The following NUDT21 variants were observed in gnomAD, a reference collection of about 807,000 sequenced individuals.
NUDT21 encodes cleavage and polyadenylation specificity factor subunit 5.
In NUDT21, 5 loss-of-function variants were observed where a neutral mutation model predicts 29.8. That is an observed-to-expected ratio of 0.17 (90% CI 0.09 to 0.35). The LOEUF (loss-of-function observed/expected upper bound fraction) is 0.35. Ranked by LOEUF, NUDT21 falls within the 10% of genes least tolerant of loss-of-function variation. The pLI is 1.00. For missense variants in NUDT21, 76 were observed against 276.0 expected (o/e 0.28, Z 5.13); for synonymous variants, 113 against 98.5 (o/e 1.15, Z -0.87).
intron 4 of NUDT21, among the ~76,000 whole-genome samples, chr16:56,438,558 C>T (rs1363201027): frequency 1.3e-5 from 2 of 152,150 alleles, no homozygotes; most frequent in Non-Finnish European, 2.9e-5. Context: ...TAAGCAACTC[C>T]CAGAGGCCTA....
intron 4 of NUDT21, 152 bp from the exon 5 acceptor site, chr16:56,434,981 A>G: frequency 2.1e-6 from 1 of 480,050 alleles, no homozygotes; most frequent in South Asian, 4.2e-5. Context: ...CTAGTAAATA[A>G]ATGCTTTAAT....
rs138973826 is a variant in NUDT21 at position 56,434,432 on chromosome 16, G to T, written c.561C>A (p.Val187=). The change falls in exon 6 of 7, where the codon GTC becomes GTA. Residue 187 remains valine (V), a synonymous_variant. Coordinates refer to ENST00000300291, the MANE Select transcript of NUDT21 (RefSeq NM_007006.3). The part of the protein sequence containing the change: ...VQLQEKALFA[V]PKNYKLVAAP... Reference sequence around the variant, plus strand: ...CAGCTACCAGCTTGTAATTTTTAGGGACTGCAAACAAGGCTAAAATAAAAC... The same window carrying T: ...CAGCTACCAGCTTGTAATTTTTAGGTACTGCAAACAAGGCTAAAATAAAAC... 86 of 1,604,698 alleles carry T rather than the reference G, an allele frequency of 5.4e-5. No individual in the cohort carries two copies. The highest frequency in any genetic ancestry group is 7.3e-5 in the Non-Finnish European group (85 of 1,171,706).
At chr16:56,432,775 ATAC>A in intron 6 of NUDT21, 42 bp from the exon 7 acceptor site, 1 of 1,388,536 alleles carries the variant, frequency 7.2e-7, no homozygotes, top group African/African-American at 1.4e-5. Flanking sequence ...AAGACAGTAC[ATAC>A]TACTTTCCAT....
chr16:56,445,777 T>C (rs180989426), intron 3 of NUDT21, among the ~76,000 whole-genome samples: 127 of 152,344 alleles, frequency 8.3e-4, no homozygotes, highest in Non-Finnish European at 1.5e-3. Flanking sequence ...TTTGTGATTC[T>C]CTCATTTTGC....
intron 3 of NUDT21, among the ~76,000 whole-genome samples, chr16:56,440,862 C>T (rs772999369): frequency 1.3e-5 from 2 of 152,016 alleles, no homozygotes; most frequent in Non-Finnish European, 2.9e-5. Flanking sequence ...TCTCAGCCTC[C>T]GGAGTAGGTG....
intron 1 of NUDT21, among the ~76,000 whole-genome samples, chr16:56,448,906 T>A (rs79044355): frequency 1.2e-4 from 18 of 152,278 alleles, no homozygotes; most frequent in Non-Finnish European, 2.4e-4. Flanking sequence ...ACTCAGCCAT[T>A]CTTGAAAGGG....
intron 3 of NUDT21, among the ~76,000 whole-genome samples, chr16:56,443,486 A>T (rs1444217868): frequency 6.6e-6 from 1 of 152,012 alleles, no homozygotes; most frequent in Non-Finnish European, 1.5e-5. Context: ...GGACTACATT[A>T]TTTCTATAGA....
intron 2 of NUDT21, 142 bp from the exon 3 acceptor site, chr16:56,446,831 G>C: frequency 3.7e-6 from 2 of 533,804 alleles, no homozygotes; most frequent in Non-Finnish European, 6.6e-6. Flanking sequence ...AAAGTGAAGG[G>C]GGAGAATATG....
chr16:56,451,265 C>T lies in NUDT21; in HGVS notation c.-63G>A, dbSNP rs1375039640. ...GCAGGCAGGGTAGACTTTCCCCGTG[C>T]GGGAAGCGGTTATCTGCAATCCCCT... On this transcript the variant is annotated 5_prime_UTR_variant, in exon 1 of 7. Coordinates refer to ENST00000300291, the MANE Select transcript of NUDT21 (RefSeq NM_007006.3). The T allele has an allele frequency of 1.6e-5, 21 of 1,294,140 alleles. No individual in the cohort carries two copies. Among genetic ancestry groups the T allele is most frequent in the Admixed American group, 4.0e-5 (2 of 50,116 alleles). 80.2% of individuals were successfully genotyped at this position (1,294,140 alleles called of 1,614,324 possible).
At chr16:56,444,055 G>T (rs1198408681) in intron 3 of NUDT21, among the ~76,000 whole-genome samples, 1 of 152,176 alleles carries the variant, frequency 6.6e-6, no homozygotes, top group African/African-American at 2.4e-5. Context: ...TGCTTTGGGA[G>T]GACTGCTTCA....
intron 2 of NUDT21, 72 bp downstream of exon 2, chr16:56,447,717 T>C: frequency 2.2e-6 from 3 of 1,366,494 alleles, no homozygotes; most frequent in Non-Finnish European, 3.1e-6. Context: ...AGGGCTAAAA[T>C]TGTATTCCAG....
At chr16:56,436,198 T>C (rs1962102356) in intron 4 of NUDT21, among the ~76,000 whole-genome samples, 1 of 151,910 alleles carries the variant, frequency 6.6e-6, no homozygotes, top group Non-Finnish European at 1.5e-5. Context: ...TGGAGTTGTA[T>C]CTGAGAGCTG....
chr16:56,439,892 T>C, intron 3 of NUDT21, 146 bp from the exon 4 acceptor site: 1 of 683,292 alleles, frequency 1.5e-6, no homozygotes. Context: ...GATTTGTTAA[T>C]ATAGATGTCA....
At chr16:56,448,917 G>GA (rs1412169621) in intron 1 of NUDT21, among the ~76,000 whole-genome samples, 7 of 152,004 alleles carry the variant, frequency 4.6e-5, no homozygotes, top group Non-Finnish European at 8.8e-5. Flanking sequence ...CTTGAAAGGG[G>GA]AAAAAATCAA....
Position 56,448,544 on chromosome 16 carries a change from G to A in NUDT21, c.117-555C>T, listed in dbSNP as rs961409419. 2.0e-5 allele frequency among the ~76,000 whole-genome samples: 3 copies of A among 151,732 alleles called. No homozygotes were observed. The East Asian group carries it at 5.8e-4, about 29-fold the overall frequency. On this transcript the variant is annotated intron_variant, in intron 1 of 6. Transcript: ENST00000300291. ...AGCAACTCTTCTACTTTCTCTTTTT[G>A]TCCTCTAAACCTATTTACTAGCCTT... is the stretch of plus-strand genomic sequence containing the variant.
At position 56,451,030 on chromosome 16, in the gene NUDT21, G is replaced by C. The variant is rs147279420; in HGVS notation, c.116+57C>G. 2,329 of 1,437,972 alleles carry C rather than the reference G, an allele frequency of 1.6e-3. 33 individuals are homozygous for C. In the African/African-American group the frequency reaches 0.026, roughly 16 times the overall value. The allele number at this position is 1,437,972 out of a possible 1,614,324, so 89.1% of individuals were successfully genotyped here. On this transcript the variant is annotated intron_variant, in intron 1 of 6. Transcript: ENST00000300291. ...GCGCCGAAAAGCCGGGGGCGCGTCG[G>C]AGAGTCTATAGGAGCTTTCACGAGA... is the stretch of plus-strand genomic sequence containing the variant.
At chr16:56,434,274 A>G (rs1962069552) in intron 6 of NUDT21, 57 bp downstream of exon 6, 1 of 1,126,892 alleles carries the variant, frequency 8.9e-7, no homozygotes, top group Non-Finnish European at 1.4e-6. Flanking sequence ...GTGGCTCAGA[A>G]TATTTTAAAT....
At chr16:56,433,817 G>A (rs563301416) in intron 6 of NUDT21, among the ~76,000 whole-genome samples, 343 of 152,142 alleles carry the variant, frequency 2.3e-3, no homozygotes, top group African/African-American at 8.2e-3. Flanking sequence ...CTCCCAAGTA[G>A]CTGGGATTAA....
In NUDT21 at chr16:56,447,596, A is replaced by G. The variant is rs1277940538; in HGVS notation, c.317+193T>C. The G allele has an allele frequency of 2.4e-5, 14 of 574,508 alleles. No homozygotes were observed. The Admixed American group carries it at 3.0e-4, about 13-fold the overall frequency. The allele number at this position is 574,508 out of a possible 1,614,324, so 35.6% of individuals were successfully genotyped here. A position where few individuals can be genotyped will look rare whatever the true frequency, so the allele number is the denominator to read the frequency against. ...TAACATCAACAACATACAGAAACAT[A>G]CAGATTACTAGTTAGGAAAATAAAT... On this transcript the variant is annotated intron_variant, in intron 2 of 6. Coordinates refer to ENST00000300291, the MANE Select transcript of NUDT21 (RefSeq NM_007006.3).
Sources: allele counts gnomAD v4.1 joint callset (sites outside exome capture counted in the v4.1 genomes callset), GRCh38; gene constraint gnomAD v4.1.1; transcripts MANE v1.5; gene names NCBI Gene and HGNC (gene_info 2026-07-23, HGNC 2026-07-21).